The following ANKFN1 variants were observed in gnomAD, a reference collection of about 807,000 sequenced individuals.
The protein encoded by ANKFN1 is ankyrin repeat and fibronectin type-III domain-containing protein 1.
Under a neutral mutation model 108.7 loss-of-function variants are expected in ANKFN1, and 74 were observed. That is an observed-to-expected ratio of 0.68 (90% confidence interval 0.56 to 0.83). The LOEUF is 0.83. Among genes scored for constraint, ANKFN1 ranks in the 40% least tolerant of loss-of-function variants. The pLI, the probability that ANKFN1 is intolerant of heterozygous loss-of-function variation, is 0.00. For synonymous variants in ANKFN1, 547 were observed against 516.2 expected (o/e 1.06, Z -0.81); for missense variants, 1,505 against 1,382.3 (o/e 1.09, Z -1.41).
intron 8 of ANKFN1, among the ~76,000 whole-genome samples, chr17:56,399,440 T>A (rs1202294704): frequency 2.6e-5 from 4 of 151,990 alleles, no homozygotes; most frequent in Non-Finnish European, 4.4e-5. Flanking sequence ...TTTTTTTTTT[T>A]AATCTCTCAT....
chr17:56,370,269 A>G (rs1268707834), intron 6 of ANKFN1, among the ~76,000 whole-genome samples: 2 of 152,170 alleles, frequency 1.3e-5, no homozygotes, highest in Non-Finnish European at 2.9e-5. Flanking sequence ...TTATAACTCA[A>G]ATTGCATCTA....
chr17:56,246,670 G>C (rs999952277), intron 3 of ANKFN1, among the ~76,000 whole-genome samples: 1 of 151,884 alleles, frequency 6.6e-6, no homozygotes, highest in African/African-American at 2.4e-5. Flanking sequence ...TGATTTGGCT[G>C]ATGTCATATG....
intron 3 of ANKFN1, among the ~76,000 whole-genome samples, chr17:56,264,931 C>G (rs1445626481): frequency 1.3e-5 from 2 of 152,070 alleles, no homozygotes; most frequent in African/African-American, 4.8e-5. Flanking sequence ...TACCCTTCCC[C>G]AGCCCTCTAG....
rs113474011 is a variant in ANKFN1 at position 56,325,719 on chromosome 17, C to T, written c.54-502C>T. ...GGTGCCCTGTGGTGAAGGGATGTGACGGCCACTTGTGTGCTTCTGGTCCCA... is the reference window on the plus strand; with the variant it reads ...GGTGCCCTGTGGTGAAGGGATGTGATGGCCACTTGTGTGCTTCTGGTCCCA... On this transcript the variant is annotated intron_variant, in intron 3 of 20. Transcript: ENST00000682825. Among the ~76,000 whole-genome samples, 371 of 152,292 alleles carry T rather than the reference C, an allele frequency of 2.4e-3. 2 individuals are homozygous for T. Among genetic ancestry groups the T allele is most frequent in the African/African-American group, 8.4e-3 (351 of 41,560 alleles).
intron 6 of ANKFN1, among the ~76,000 whole-genome samples, 169 bp downstream of exon 6, chr17:56,354,215 G>T (rs959256867): frequency 2.0e-5 from 3 of 152,130 alleles, no homozygotes; most frequent in Admixed American, 6.5e-5. Flanking sequence ...AGCATTTATT[G>T]GTCTAAGCAT....
At chr17:56,289,369 G>A (rs750528178) in intron 3 of ANKFN1, among the ~76,000 whole-genome samples, 4 of 152,094 alleles carry the variant, frequency 2.6e-5, no homozygotes, top group South Asian at 2.1e-4. Flanking sequence ...TGACTAGAAG[G>A]CCTCTAATTC....
intron 8 of ANKFN1, among the ~76,000 whole-genome samples, chr17:56,419,124 C>A (rs1032254910): frequency 6.6e-6 from 1 of 152,174 alleles, no homozygotes; most frequent in African/African-American, 2.4e-5. Flanking sequence ...TTGGCCAACC[C>A]CCAGTCAGTG....
At chr17:56,365,102 T>C (rs781635548) in intron 6 of ANKFN1, among the ~76,000 whole-genome samples, 2 of 152,174 alleles carry the variant, frequency 1.3e-5, no homozygotes, top group Non-Finnish European at 2.9e-5. Flanking sequence ...AGTAGTGAAG[T>C]TGTTAGAAGG....
chr17:56,319,918 T>G (rs903957026), intron 3 of ANKFN1, among the ~76,000 whole-genome samples: 1 of 152,096 alleles, frequency 6.6e-6, no homozygotes, highest in Non-Finnish European at 1.5e-5. Context: ...TTATATTTCT[T>G]ATTATATTAT....
chr17:56,348,809 A>C (rs930866888), intron 4 of ANKFN1, among the ~76,000 whole-genome samples: 4 of 151,834 alleles, frequency 2.6e-5, no homozygotes, highest in African/African-American at 9.7e-5. Flanking sequence ...AAATTAGTTC[A>C]ATGATTGTGG....
chr17:56,406,893 T>A (rs2047938497), intron 8 of ANKFN1, among the ~76,000 whole-genome samples: 2 of 152,190 alleles, frequency 1.3e-5, no homozygotes, highest in African/African-American at 4.8e-5. Context: ...TTAGCTCTGG[T>A]TTCTGAAACT....
chr17:56,398,567 G>A (rs1316706849), intron 8 of ANKFN1, among the ~76,000 whole-genome samples: 1 of 152,088 alleles, frequency 6.6e-6, no homozygotes, highest in Non-Finnish European at 1.5e-5. Flanking sequence ...CAATCCAAAA[G>A]TTAAATAAAG....
chr17:56,098,928 G>T (rs1241644380), intron 4 of ANKFN1, among the ~76,000 whole-genome samples: 3 of 152,048 alleles, frequency 2.0e-5, no homozygotes, highest in African/African-American at 7.3e-5. Flanking sequence ...TGTCTTTGCG[G>T]TTACATCTGC....
chr17:56,082,277 GTTTTGTTTTGT>G lies in ANKFN1; in HGVS notation c.288+35962_288+35972del, dbSNP rs747585580. Among the ~76,000 whole-genome samples the G allele has an allele frequency of 1.4e-4, 18 of 125,418 alleles. 1 individual carries two copies. The East Asian group carries it at 4.5e-3, about 31-fold the overall frequency. The allele number at this position is 125,418 out of a possible 152,430, so 82.3% of individuals were successfully genotyped here. ...CCAAGTTTTTGTTGTTGTTGTTGTT[GTTTTGTTTTGT>G]TTTTGTTTTTGTTTTTGTTTTTGTT... is the stretch of plus-strand genomic sequence containing the variant. On this transcript the variant is annotated intron_variant, in intron 4 of 12. Transcript: ENST00000635860.
intron 8 of ANKFN1, among the ~76,000 whole-genome samples, chr17:56,375,152 T>C (rs534150055): frequency 1.1e-4 from 16 of 151,814 alleles, no homozygotes; most frequent in Non-Finnish European, 2.2e-4. Flanking sequence ...GCAGATAAAG[T>C]ATATTGGAGG....
chr17:56,353,887 G>A lies in ANKFN1; in HGVS notation c.442G>A (p.Asp148Asn). The A allele has an allele frequency of 6.2e-7, 1 of 1,614,026 alleles. No individual in the cohort carries two copies. Among genetic ancestry groups the A allele is most frequent in the South Asian group, 1.1e-5 (1 of 91,084 alleles). ...TGAGGCAGTCGAACAGCAGGACATGGATGCTGTGCAGATCCTCCTGTATCA... is the reference window on the plus strand; with the variant it reads ...TGAGGCAGTCGAACAGCAGGACATGAATGCTGTGCAGATCCTCCTGTATCA... ...MFEAVEQQDM[D>N]AVQILLYQYT... is the part of the protein sequence containing the mutation. The change falls in exon 6 of 21, where the codon GAT becomes AAT. Residue 148 changes from aspartate to asparagine, a missense_variant. By Grantham distance (23) the Asp-to-Asn change is conservative. Transcript: ENST00000682825.
intron 8 of ANKFN1, among the ~76,000 whole-genome samples, chr17:56,434,199 C>T (rs1259600511): frequency 6.6e-6 from 1 of 152,134 alleles, no homozygotes; most frequent in East Asian, 1.9e-4. Flanking sequence ...CTACCTGTAT[C>T]TGTGTGTAGC....
chr17:56,246,657 C>A (rs1169458468), intron 3 of ANKFN1, among the ~76,000 whole-genome samples: 1 of 151,772 alleles, frequency 6.6e-6, no homozygotes, highest in Non-Finnish European at 1.5e-5. Context: ...CCAATCAGAA[C>A]TTTGATTTGG....
chr17:56,055,566 C>CATACATATATATATATAT (rs1555588763), intron 4 of ANKFN1, among the ~76,000 whole-genome samples: 6 of 47,458 alleles, frequency 1.3e-4, no homozygotes, highest in African/African-American at 7.9e-4. Context: ...GGTATATATA[C>CATACATATATATATATAT]ATATATATAT....
Sources: gnomAD v4.1 joint callset for allele counts (sites outside exome capture counted in the v4.1 genomes callset) on GRCh38, gnomAD v4.1.1 for gene constraint, MANE v1.5 for transcripts, NCBI Gene and HGNC (gene_info 2026-07-23, HGNC 2026-07-21) for gene names.